DGKB: variants seen among roughly 807,000 people sequenced by gnomAD.
DGKB encodes diacylglycerol kinase beta, also known as 90 kDa diacylglycerol kinase.
In DGKB, 67 loss-of-function variants were observed where a neutral mutation model predicts 114.3. The observed-to-expected ratio is 0.59, with a 90% CI of 0.48 to 0.72. The LOEUF (loss-of-function observed/expected upper bound fraction) is 0.72. Among genes scored for constraint, DGKB ranks in the 30% least tolerant of loss-of-function variants. DGKB has a pLI of 0.00. For missense variants in DGKB, 907 were observed against 975.2 expected, an observed-to-expected ratio of 0.93 and a Z score of 0.93; for synonymous variants, 398 against 323.1, an observed-to-expected ratio of 1.23 and a Z score of -2.49.
At chr7:14,367,952 A>C (rs1301902323) in intron 21 of DGKB, among the ~76,000 whole-genome samples, 1 of 152,152 alleles carries the variant, frequency 6.6e-6, no homozygotes, top group Non-Finnish European at 1.5e-5. Flanking sequence ...TATGGGGATT[A>C]CAATTTGAGA....
At chr7:14,166,319 A>C (rs1450568288) in intron 25 of DGKB, among the ~76,000 whole-genome samples, 1 of 152,230 alleles carries the variant, frequency 6.6e-6, no homozygotes, top group Non-Finnish European at 1.5e-5. Flanking sequence ...CTGGGGCACA[A>C]GAGTAGAAAA....
intron 5 of DGKB, among the ~76,000 whole-genome samples, chr7:14,727,009 TA>T (rs1201235014): frequency 6.6e-6 from 1 of 152,204 alleles, no homozygotes; most frequent in Non-Finnish European, 1.5e-5. Flanking sequence ...GAAATAATGT[TA>T]TGATGGATTT....
intron 21 of DGKB, among the ~76,000 whole-genome samples, chr7:14,355,156 C>T (rs2128615457): frequency 6.6e-6 from 1 of 152,182 alleles, no homozygotes; most frequent in East Asian, 1.9e-4. Context: ...CCCCTCCCTC[C>T]CTCTCTCTCT....
rs570948470 is a variant in DGKB at position 14,311,379 on chromosome 7, G to A, written c.2122+27136C>T. Among the ~76,000 whole-genome samples the A allele has an allele frequency of 3.3e-5, 5 of 152,078 alleles. No individual in the cohort carries two copies. The East Asian group carries it at 5.8e-4, about 18-fold the overall frequency. ...CCCACACTGGTTTTTTGTTCTATATGTAACAGCCATCAACTGTCGCTTCAC... is the reference window on the plus strand; with the variant it reads ...CCCACACTGGTTTTTTGTTCTATATATAACAGCCATCAACTGTCGCTTCAC... On this transcript the variant is annotated intron_variant, in intron 23 of 25. Coordinates refer to ENST00000402815, the MANE Select transcript of DGKB (RefSeq NM_001350709.2).
At chr7:14,770,599 T>C (rs1837268914) in intron 2 of DGKB, among the ~76,000 whole-genome samples, 4 of 151,956 alleles carry the variant, frequency 2.6e-5, no homozygotes, top group Admixed American at 6.6e-5. Context: ...GAAGGAAAAT[T>C]TTGCAAATAT....
chr7:14,541,531 T>G (rs1269266104), intron 20 of DGKB, among the ~76,000 whole-genome samples: 1 of 152,132 alleles, frequency 6.6e-6, no homozygotes, highest in African/African-American at 2.4e-5. Context: ...CATCTAAAAG[T>G]TAATTTCTCT....
intron 13 of DGKB, among the ~76,000 whole-genome samples, chr7:14,642,449 C>T (rs544899243): frequency 3.3e-5 from 5 of 152,230 alleles, no homozygotes; most frequent in South Asian, 4.1e-4. Context: ...CATCAGTCTG[C>T]ATTGGCAGTT....
chr7:14,570,313 C>T (rs1279227000), intron 20 of DGKB, among the ~76,000 whole-genome samples: 1 of 151,790 alleles, frequency 6.6e-6, no homozygotes, highest in Non-Finnish European at 1.5e-5. Flanking sequence ...TGTCTCATTT[C>T]TATTATAGCT....
At chr7:14,541,062 T>C (rs1584688562) in intron 20 of DGKB, among the ~76,000 whole-genome samples, 1 of 152,152 alleles carries the variant, frequency 6.6e-6, no homozygotes, top group South Asian at 2.1e-4. Context: ...TAGTAGCAGG[T>C]AGTTGACACC....
intron 23 of DGKB, among the ~76,000 whole-genome samples, chr7:14,183,403 AT>A (rs1368413117): frequency 6.6e-6 from 1 of 152,186 alleles, no homozygotes; most frequent in Non-Finnish European, 1.5e-5. Context: ...TTTAGCAAAA[AT>A]TTATTAATAT....
intron 23 of DGKB, among the ~76,000 whole-genome samples, chr7:14,179,620 G>A (rs1018199161): frequency 2.6e-5 from 4 of 152,188 alleles, no homozygotes; most frequent in Admixed American, 1.3e-4. Flanking sequence ...TTTATTTTCA[G>A]TGTAGTTCAA....
chr7:14,709,746 C>T (rs1827003458), intron 6 of DGKB, among the ~76,000 whole-genome samples: 1 of 141,276 alleles, frequency 7.1e-6, no homozygotes, highest in African/African-American at 2.6e-5. Flanking sequence ...TATTCTCACT[C>T]AGAGGTGGGA....
chr7:14,697,874 AG>A, intron 8 of DGKB, among the ~76,000 whole-genome samples: 1 of 143,334 alleles, frequency 7.0e-6, no homozygotes, highest in African/African-American at 2.7e-5. Context: ...GGAAGGTAGG[AG>A]GGAGGGAGGG....
At chr7:14,434,022 G>A (rs1288947669) in intron 21 of DGKB, among the ~76,000 whole-genome samples, 1 of 152,180 alleles carries the variant, frequency 6.6e-6, no homozygotes, top group Non-Finnish European at 1.5e-5. Flanking sequence ...TCAGTGCTCA[G>A]AAAATTTTGG....
At chr7:14,720,156 C>A (rs1585957025) in intron 5 of DGKB, among the ~76,000 whole-genome samples, 1 of 152,122 alleles carries the variant, frequency 6.6e-6, no homozygotes, top group South Asian at 2.1e-4. Flanking sequence ...CAAATATTTT[C>A]TTTTCTATAT....
intron 21 of DGKB, among the ~76,000 whole-genome samples, chr7:14,386,492 A>G (rs111445569): frequency 1.3e-5 from 2 of 152,228 alleles, no homozygotes; most frequent in African/African-American, 2.4e-5. Context: ...AACCTCATTC[A>G]TCAAGAAAGC....
chr7:14,835,908 C>T (rs1586816361), intron 2 of DGKB, among the ~76,000 whole-genome samples: 2 of 152,272 alleles, frequency 1.3e-5, no homozygotes, highest in Admixed American at 6.5e-5. Context: ...ATTTGTCTCC[C>T]TCTGAGGCTT....
At chr7:14,641,260 GGGA>G (rs1811734316) in intron 13 of DGKB, among the ~76,000 whole-genome samples, 4 of 15,580 alleles carry the variant, frequency 2.6e-4, no homozygotes, top group South Asian at 1.2e-3. Context: ...TTACAATATA[GGGA>G]TTTGGTTTAC....
At chr7:14,221,347 T>C (rs1789933260) in intron 23 of DGKB, among the ~76,000 whole-genome samples, 6 of 151,364 alleles carry the variant, frequency 4.0e-5, no homozygotes, top group Non-Finnish European at 3.0e-5. Context: ...TTGAGTACTC[T>C]CTATTTCTAG....
Sources: allele counts gnomAD v4.1 joint callset (sites outside exome capture counted in the v4.1 genomes callset), GRCh38; gene constraint gnomAD v4.1.1; transcripts MANE v1.5; gene names NCBI Gene and HGNC (gene_info 2026-07-23, HGNC 2026-07-21).